Variants in HTR2A observed in about 807,000 individuals in gnomAD.
The protein encoded by HTR2A is 5-HT2 receptor.
Under a neutral mutation model 31.0 loss-of-function variants are expected in HTR2A, and 14 were observed. The ratio of observed to expected loss-of-function variants is 0.45; its 90% CI spans 0.30 to 0.71. HTR2A has a LOEUF of 0.71. Among genes scored for constraint, HTR2A ranks in the 30% least tolerant of loss-of-function variants. The pLI is 0.09. For missense variants in HTR2A, 442 were observed against 573.3 expected, an observed-to-expected ratio of 0.77 and a Z score of 2.34; for synonymous variants, 209 against 225.2, an observed-to-expected ratio of 0.93 and a Z score of 0.64.
intron 3 of HTR2A, among the ~76,000 whole-genome samples, chr13:46,873,056 C>T (rs1461618158): frequency 6.6e-6 from 1 of 152,122 alleles, no homozygotes; most frequent in Non-Finnish European, 1.5e-5. Flanking sequence ...TGTTTCCTGA[C>T]TTTGCCTAGA....
chr13:46,840,733 T>A (rs1384474894), intron 3 of HTR2A, among the ~76,000 whole-genome samples: 5 of 152,200 alleles, frequency 3.3e-5, no homozygotes, highest in Admixed American at 3.3e-4. Flanking sequence ...TCTGAGGTTT[T>A]TAACATTGGC....
In HTR2A at chr13:46,834,802, G is replaced by C; in HGVS notation, c.*35C>G. 6 of 1,517,904 alleles carry C rather than the reference G, an allele frequency of 4.0e-6. No homozygotes were observed. Among genetic ancestry groups the C allele is most frequent in the Non-Finnish European group, 5.4e-6 (6 of 1,120,866 alleles). The allele number at this position is 1,517,904 out of a possible 1,614,324, so 94.0% of individuals were successfully genotyped here. Reference sequence around the variant, plus strand: ...TTCCAGATAGGTGAAAACTTGCTCAGTGTGCCTTCCACAGTTGCCACGGCA... The same window carrying C: ...TTCCAGATAGGTGAAAACTTGCTCACTGTGCCTTCCACAGTTGCCACGGCA... On this transcript the variant is annotated 3_prime_UTR_variant, in exon 4 of 4. Coordinates refer to ENST00000542664, the MANE Select transcript of HTR2A (RefSeq NM_000621.5).
intron 3 of HTR2A, among the ~76,000 whole-genome samples, chr13:46,872,826 T>G (rs1950874246): frequency 6.6e-6 from 1 of 152,216 alleles, no homozygotes; most frequent in African/African-American, 2.4e-5. Context: ...ATTTTTGGAC[T>G]TCCCATTAGT....
intron 2 of HTR2A, among the ~76,000 whole-genome samples, chr13:46,894,232 G>T (rs553310614): frequency 5.9e-5 from 9 of 152,254 alleles, no homozygotes; most frequent in Non-Finnish European, 1.2e-4. Flanking sequence ...TCTCAGAGCG[G>T]CGGCCGCCAG....
Position 46,895,290 on chromosome 13 carries a change from A to G in HTR2A, c.412+205T>C. On this transcript the variant is annotated intron_variant, in intron 2 of 3. Coordinates refer to ENST00000542664, the MANE Select transcript of HTR2A (RefSeq NM_000621.5). This position sits in a 1 kb window ranked among gnomAD's most constrained non-coding sequence, Gnocchi z 4.4. ...CGCGTTTTGAAGCACAAAACTCTCC[A>G]GTGATCACAGGTCATAGACTGTCTG... 5 of 523,928 alleles carry G rather than the reference A, an allele frequency of 9.5e-6. No individual in the cohort carries two copies. Among genetic ancestry groups the G allele is most frequent in the South Asian group, 2.9e-5 (1 of 34,632 alleles). 32.5% of individuals were successfully genotyped at this position (523,928 alleles called of 1,614,324 possible). A position where few individuals can be genotyped will look rare whatever the true frequency, so the allele number is the denominator to read the frequency against.
intron 3 of HTR2A, among the ~76,000 whole-genome samples, chr13:46,875,028 G>T (rs1410552274): frequency 6.6e-6 from 1 of 152,106 alleles, no homozygotes; most frequent in African/African-American, 2.4e-5. Context: ...GGATTAATTG[G>T]TCTATTAGAA....
At position 46,892,526 on chromosome 13, in the gene HTR2A, G is replaced by A. The variant is rs767733782; in HGVS notation, c.477C>T (p.Ser159=). 1.2e-6 allele frequency: 2 copies of A among 1,614,192 alleles called. No individual in the cohort carries two copies. The highest frequency in any genetic ancestry group is 1.7e-6 in the Non-Finnish European group (2 of 1,180,032). ...CGCAGAGGTGCATGATGGAGGCCGT[G>A]GAGAAGAGCACGTCCAGGTAAATCC... The part of the protein sequence containing the change: ...AVWIYLDVLF[S]TASIMHLCAI... The change falls in exon 3 of 4, where the codon TCC becomes TCT. Residue 159 remains serine (S), a synonymous_variant. Transcript: ENST00000542664.
At chr13:46,875,218 A>T (rs1360282733) in intron 3 of HTR2A, among the ~76,000 whole-genome samples, 1 of 152,216 alleles carries the variant, frequency 6.6e-6, no homozygotes, top group East Asian at 1.9e-4. Context: ...CAGTCATGTA[A>T]ACCTTTATAG....
rs551307795 is a variant in HTR2A at position 46,856,794 on chromosome 13, G to A, written c.614-21155C>T. On this transcript the variant is annotated intron_variant, in intron 3 of 3. Transcript: ENST00000542664. ...AATACTTAGTGAATATCTACTAAGT[G>A]CCAGGCAGAATGCTAAACAAACTTG... Among the ~76,000 whole-genome samples, 9 of 152,266 alleles carry A rather than the reference G, an allele frequency of 5.9e-5. No individual in the cohort carries two copies. The South Asian group carries it at 1.7e-3, about 28-fold the overall frequency.
chr13:46,865,742 T>C (rs1274144910), intron 3 of HTR2A, among the ~76,000 whole-genome samples: 1 of 152,248 alleles, frequency 6.6e-6, no homozygotes, highest in African/African-American at 2.4e-5. Context: ...TAGTGGCTAC[T>C]CTATTGGACA....
At chr13:46,837,658 T>G (rs1950571125) in intron 3 of HTR2A, among the ~76,000 whole-genome samples, 2 of 152,168 alleles carry the variant, frequency 1.3e-5, no homozygotes, top group Non-Finnish European at 2.9e-5. Flanking sequence ...GGAAAAAGGT[T>G]TTTGGAGAAT....
intron 3 of HTR2A, among the ~76,000 whole-genome samples, chr13:46,840,818 C>T (rs1483046322): frequency 1.3e-5 from 2 of 152,076 alleles, no homozygotes; most frequent in Non-Finnish European, 2.9e-5. Flanking sequence ...TAGATCTTTC[C>T]TTAGATGGGC....
chr13:46,867,522 C>T (rs563611935), intron 3 of HTR2A, among the ~76,000 whole-genome samples: 4 of 152,308 alleles, frequency 2.6e-5, no homozygotes, highest in African/African-American at 9.6e-5. Context: ...GCCAATTCTG[C>T]ATGGGAATCT....
At chr13:46,875,833 C>G (rs1243520779) in intron 3 of HTR2A, among the ~76,000 whole-genome samples, 1 of 152,122 alleles carries the variant, frequency 6.6e-6, no homozygotes, top group Non-Finnish European at 1.5e-5. Flanking sequence ...AAACAAATAC[C>G]CACAGCACAA....
At position 46,833,315 on chromosome 13, in the gene HTR2A, T is replaced by C. The variant is rs1876313982; in HGVS notation, c.*1522A>G. 1 of 152,134 alleles carries C rather than the reference T, an allele frequency of 6.6e-6. No homozygotes were observed. Among genetic ancestry groups the C allele is most frequent in the Non-Finnish European group, 1.5e-5 (1 of 68,016 alleles). 9.4% of individuals were successfully genotyped at this position (152,134 alleles called of 1,614,324 possible). ...TGAAATGATTCTAAAAATAAGTCTG[T>C]ATATATTTTTTGACTAAGACCATTT... On this transcript the variant is annotated 3_prime_UTR_variant, in exon 4 of 4. Coordinates refer to ENST00000542664, the MANE Select transcript of HTR2A (RefSeq NM_000621.5).
upstream of HTR2A, among the ~76,000 whole-genome samples, chr13:46,898,068 G>A (rs1220338604): frequency 6.6e-6 from 1 of 152,160 alleles, no homozygotes; most frequent in East Asian, 1.9e-4. Flanking sequence ...CTGTATGCGT[G>A]TTTCTCACAT....
chr13:46,896,746 ACTGGTGTAGAGTCCC>A lies in HTR2A; in HGVS notation c.-416_-402del. ...TCGCTGCATCTCTCACAGTAATTAAACTGGTGTAGAGTCCCCTCTTCTTGATCTTCCACCAGCATA... is the reference window on the plus strand; with the variant it reads ...TCGCTGCATCTCTCACAGTAATTAAACTCTTCTTGATCTTCCACCAGCATA... On this transcript the variant is annotated 5_prime_UTR_variant, in exon 1 of 4. Coordinates refer to ENST00000542664, the MANE Select transcript of HTR2A (RefSeq NM_000621.5). The A allele has an allele frequency of 1.3e-6, 2 of 1,535,334 alleles. No individual in the cohort carries two copies. Among genetic ancestry groups the A allele is most frequent in the Non-Finnish European group, 1.7e-6 (2 of 1,145,270 alleles).
chr13:46,889,797 A>G (rs999006484), intron 3 of HTR2A, among the ~76,000 whole-genome samples: 1 of 152,262 alleles, frequency 6.6e-6, no homozygotes, highest in African/African-American at 2.4e-5. Context: ...CAGAAACACT[A>G]GAAGAAAACT....
chr13:46,845,386 G>A (rs1950633237), intron 3 of HTR2A, among the ~76,000 whole-genome samples: 2 of 152,106 alleles, frequency 1.3e-5, no homozygotes, highest in African/African-American at 4.8e-5. Flanking sequence ...GACTTGCTGG[G>A]GCTGAGGCAG....
Sources: allele counts gnomAD v4.1 joint callset (sites outside exome capture counted in the v4.1 genomes callset), GRCh38; gene constraint gnomAD v4.1.1; non-coding constraint Gnocchi (gnomAD v3.1); transcripts MANE v1.5; gene names NCBI Gene and HGNC (gene_info 2026-07-23, HGNC 2026-07-21).